Variants in SETD9 observed in about 807,000 individuals in gnomAD.
SETD9 encodes the protein SET domain containing 9, also known as SET domain-containing protein 9.
A neutral mutation model predicts 36.4 loss-of-function variants in SETD9; 37 were observed. The observed-to-expected ratio is 1.02, with a 90% confidence interval of 0.78 to 1.34. SETD9 has a LOEUF of 1.34. Among genes scored for constraint, SETD9 ranks in the 40% most tolerant of loss-of-function variants. The pLI, the probability that SETD9 is intolerant of heterozygous loss-of-function variation, is 0.00. For synonymous variants in SETD9, 128 were observed against 132.9 expected, an observed-to-expected ratio of 0.96 and a Z score of 0.26; for missense variants, 323 against 353.2, an observed-to-expected ratio of 0.91 and a Z score of 0.69.
upstream of SETD9, chr5:56,909,583 G>A (rs553875008): frequency 7.2e-7 from 1 of 1,381,436 alleles, no homozygotes; most frequent in Non-Finnish European, 9.8e-7. Context: ...CCGGGCCGGG[G>A]CGGGCCCGAG....
intron 2 of SETD9, 30 bp downstream of exon 2, chr5:56,911,566 C>A: frequency 1.3e-6 from 2 of 1,492,462 alleles, no homozygotes; most frequent in South Asian, 1.4e-5. Flanking sequence ...TATACTTTGC[C>A]AAGCTTCTTA....
intron 5 of SETD9, chr5:56,922,975 C>T (rs1749744044): frequency 4.7e-6 from 3 of 642,302 alleles, no homozygotes; most frequent in Non-Finnish European, 8.0e-6. Context: ...AATGAAAATA[C>T]TCTTGATAAA....
At chr5:56,913,254 A>G (rs934099493) in intron 3 of SETD9, 120 bp downstream of exon 3, 19 of 1,215,864 alleles carry the variant, frequency 1.6e-5, no homozygotes, top group Non-Finnish European at 2.0e-5. Context: ...GGGTCTTGCT[A>G]TGTTGTCCAG....
At chr5:56,924,253 G>T (rs914542984) in intron 5 of SETD9, among the ~76,000 whole-genome samples, 5 of 149,344 alleles carry the variant, frequency 3.3e-5, no homozygotes, top group African/African-American at 9.8e-5. Context: ...AAAGCCCAAG[G>T]TTTTTTTTTT....
chr5:56,922,642 C>T (rs1369904295), intron 5 of SETD9: 1 of 154,942 alleles, frequency 6.5e-6, no homozygotes, highest in Non-Finnish European at 1.4e-5. Flanking sequence ...AAAAATGCTA[C>T]ATTGAGCAGG....
At chr5:56,909,797 C>T (rs1339995308) in intron 1 of SETD9, 54 bp downstream of exon 1, 48 of 1,531,134 alleles carry the variant, frequency 3.1e-5, no homozygotes, top group Non-Finnish European at 8.9e-6. Flanking sequence ...TCCCAGACGC[C>T]ACCACGGCGG....
chr5:56,927,073 G>C (rs561071248), downstream of SETD9, among the ~76,000 whole-genome samples: 12 of 152,194 alleles, frequency 7.9e-5, no homozygotes, highest in Middle Eastern at 3.4e-3. Flanking sequence ...ATGGCTGCTA[G>C]AAGTTGTTAG....
At position 56,923,512 on chromosome 5, in the gene SETD9, C is replaced by T. The variant is rs189450990; in HGVS notation, c.813-1821C>T. 49 of 1,614,160 alleles carry T rather than the reference C, an allele frequency of 3.0e-5. No individual in the cohort carries two copies. In the East Asian group the frequency reaches 1.0e-3, roughly 33 times the overall value. ...TAACTTGTCCACGGGGTGTGTTGCC[C>T]AGTGGAGGAAAGCTATCATCCAAAC... On this transcript the variant is annotated intron_variant, in intron 5 of 5. Transcript: ENST00000628593.
chr5:56,924,206 T>C (rs1373055545), intron 5 of SETD9, among the ~76,000 whole-genome samples: 1 of 152,206 alleles, frequency 6.6e-6, no homozygotes. Flanking sequence ...CTTTGATTAG[T>C]GGAATGCCTT....
At chr5:56,918,263 G>T (rs1265179018), downstream of SETD9, among the ~76,000 whole-genome samples, 1 of 151,928 alleles carries the variant, frequency 6.6e-6, no homozygotes, top group Admixed American at 6.6e-5. Context: ...CCCAACCAAG[G>T]ACTTTTGCAC....
At chr5:56,910,378 G>A (rs1749053332) in intron 1 of SETD9, 4 of 1,304,038 alleles carry the variant, frequency 3.1e-6, no homozygotes, top group Non-Finnish European at 4.0e-6. Context: ...CGTCGGGATG[G>A]TGGGTTTCGG....
chr5:56,916,841 C>T lies in SETD9; in HGVS notation c.839C>T (p.Ala280Val), dbSNP rs1204605800. ...QSPLRCVVLV[A>V]LRDINQGEEL... is the part of the protein sequence containing the mutation. Reference sequence around the variant, plus strand: ...CCACTTCGATGTGTTGTTCTTGTCGCACTTAGGGACATCAATCAAGGAGAA... The same window carrying T: ...CCACTTCGATGTGTTGTTCTTGTCGTACTTAGGGACATCAATCAAGGAGAA... The change falls in exon 6 of 6, where the codon GCA (alanine) becomes GTA (valine). Residue 280 changes from alanine (A) to valine (V), a missense_variant. By Grantham distance (64) the Ala-to-Val change is moderately conservative (BLOSUM62 0). Coordinates refer to ENST00000285947, the MANE Select transcript of SETD9 (RefSeq NM_153706.4). The T allele has an allele frequency of 2.5e-6, 4 of 1,608,068 alleles. No homozygotes were observed. Among genetic ancestry groups the T allele is most frequent in the Non-Finnish European group, 3.4e-6 (4 of 1,178,006 alleles).
intron 5 of SETD9, among the ~76,000 whole-genome samples, chr5:56,916,105 A>G (rs1443569957): frequency 2.6e-5 from 4 of 152,172 alleles, no homozygotes; most frequent in Admixed American, 2.6e-4. Flanking sequence ...ATATGTAACA[A>G]TATCTAGGCT....
In SETD9 at chr5:56,909,667, G is replaced by A. The variant is rs779728809; in HGVS notation, c.22G>A (p.Gly8Ser). MPGRLLR[G>S]LWQRWRRYKY... ...AGCCATGCCTGGCCGTCTGCTGCGG[G>A]GCCTGTGGCAGCGATGGCGCCGTTA... Residue 8 changes from glycine to serine, a missense_variant, in exon 1 of 6, where the codon GGC becomes AGC. Physicochemically the swap from Gly to Ser is moderately conservative, Grantham distance 56. Transcript: ENST00000285947. 5 of 1,609,394 alleles carry A rather than the reference G, an allele frequency of 3.1e-6. No homozygotes were observed. The highest frequency in any genetic ancestry group is 1.7e-5 in the Admixed American group (1 of 59,860).
intron 5 of SETD9, 100 bp from the exon 6 acceptor site, chr5:56,916,715 C>G: frequency 1.6e-6 from 2 of 1,224,044 alleles, no homozygotes; most frequent in African/African-American, 3.1e-5. Flanking sequence ...ATGGAAGGAA[C>G]CTGAGTAAAG....
chr5:56,924,382 T>C (rs1294572672), intron 5 of SETD9, among the ~76,000 whole-genome samples: 4 of 152,212 alleles, frequency 2.6e-5, no homozygotes, highest in Non-Finnish European at 4.4e-5. Flanking sequence ...CTCTGTGATT[T>C]TGACTACAGT....
At chr5:56,924,121 C>T in intron 5 of SETD9, 3 of 1,371,062 alleles carry the variant, frequency 2.2e-6, no homozygotes, top group Non-Finnish European at 3.0e-6. Flanking sequence ...CACAACACTA[C>T]AACTTCAATC....
chr5:56,918,304 CCAGA>C (rs1749510831), downstream of SETD9, among the ~76,000 whole-genome samples: 1 of 152,176 alleles, frequency 6.6e-6, no homozygotes, highest in Admixed American at 6.5e-5. Flanking sequence ...ACATCTTCCC[CCAGA>C]CAGCCACATA....
At chr5:56,911,601 A>G (rs1311665960) in intron 2 of SETD9, 65 bp downstream of exon 2, 11 of 1,446,490 alleles carry the variant, frequency 7.6e-6, no homozygotes, top group Non-Finnish European at 1.0e-5. Flanking sequence ...TAAGTTCAGT[A>G]ACATACCCAG....
Sources: allele counts gnomAD v4.1 joint callset (sites outside exome capture counted in the v4.1 genomes callset), GRCh38; gene constraint gnomAD v4.1.1; transcripts MANE v1.5; gene names NCBI Gene and HGNC (gene_info 2026-07-23, HGNC 2026-07-21).